LARP4B: variants seen among roughly 807,000 people sequenced by gnomAD.
LARP4B encodes the protein La ribonucleoprotein 4B, also known as la-related protein 4B.
A neutral mutation model predicts 89.8 loss-of-function variants in LARP4B; 12 were observed. The ratio of observed to expected loss-of-function variants is 0.13; its 90% CI spans 0.09 to 0.22. The LOEUF (loss-of-function observed/expected upper bound fraction) is 0.22. LARP4B is among the 10% of genes least tolerant of loss of function. The pLI is 1.00. For missense variants in LARP4B, 757 were observed against 947.7 expected (o/e 0.80, Z 2.64); for synonymous variants, 367 against 363.3 (o/e 1.01, Z -0.12).
intron 5 of LARP4B, among the ~76,000 whole-genome samples, chr10:852,264 G>T (rs141505338): frequency 6.6e-6 from 1 of 152,284 alleles, no homozygotes; most frequent in African/African-American, 2.4e-5. Context: ...CAAAGTTTTG[G>T]TAAATGGAAT....
chr10:822,537 C>T lies in LARP4B; in HGVS notation c.1485-1692G>A, dbSNP rs1419765437. Among the ~76,000 whole-genome samples the T allele has an allele frequency of 1.3e-5, 2 of 152,208 alleles. No individual in the cohort carries two copies. Among genetic ancestry groups the T allele is most frequent in the Non-Finnish European group, 2.9e-5 (2 of 68,032 alleles). The stretch of plus-strand genomic sequence containing the variant: ...CACCCTCACTGGGCTCCACGTAACC[C>T]GTGTCAGACCCAGAAGCCCACCTGC... On this transcript the variant is annotated intron_variant, in intron 13 of 17. Transcript: ENST00000316157. This position sits in a 1 kb window ranked among gnomAD's most constrained non-coding sequence, Gnocchi z 4.6.
At chr10:891,020 C>A (rs1253155602) in intron 1 of LARP4B, among the ~76,000 whole-genome samples, 1 of 151,812 alleles carries the variant, frequency 6.6e-6, no homozygotes, top group Non-Finnish European at 1.5e-5. Context: ...CTTATGATAG[C>A]CAAAGGGAAA....
intron 1 of LARP4B, among the ~76,000 whole-genome samples, chr10:898,434 T>G (rs118182589): frequency 6.6e-6 from 1 of 152,218 alleles, no homozygotes; most frequent in Non-Finnish European, 1.5e-5. Context: ...AAAACCTGTA[T>G]GTGAATTTTC....
chr10:931,216 C>T (rs1424199748), intron 1 of LARP4B, among the ~76,000 whole-genome samples: 3 of 149,822 alleles, frequency 2.0e-5, no homozygotes, highest in Non-Finnish European at 3.0e-5. Context: ...TGACCCCGGT[C>T]CTCCTCAGCC....
At chr10:892,902 A>ATTT (rs56051964) in intron 1 of LARP4B, among the ~76,000 whole-genome samples, 3 of 117,946 alleles carry the variant, frequency 2.5e-5, no homozygotes, top group African/African-American at 3.3e-5. Context: ...ACCAAGAGAA[A>ATTT]TTTTTTTTTT....
At chr10:984,654 G>C in the LARP4B span, among the ~76,000 whole-genome samples, 2 of 152,122 alleles carry the variant, frequency 1.3e-5, no homozygotes, top group African/African-American at 2.4e-5. Flanking sequence ...GGTGCTGGGG[G>C]ATTATTGACA....
downstream of LARP4B, chr10:808,776 TACAC>T (rs959758345): frequency 2.0e-5 from 3 of 150,498 alleles, no homozygotes; most frequent in African/African-American, 4.9e-5. Flanking sequence ...CACGCACACA[TACAC>T]ACACACTATT....
intron 3 of LARP4B, among the ~76,000 whole-genome samples, chr10:866,753 C>G (rs1834914580): frequency 6.6e-6 from 1 of 152,250 alleles, no homozygotes; most frequent in Non-Finnish European, 1.5e-5. Context: ...CCAACACTAA[C>G]TAACAGTAAC....
At chr10:878,856 AAG>A (rs773958692) in intron 3 of LARP4B, among the ~76,000 whole-genome samples, 29 of 152,260 alleles carry the variant, frequency 1.9e-4, no homozygotes, top group Non-Finnish European at 3.2e-4. Context: ...TAAAATGAAA[AAG>A]AGTTTGCAAA....
At chr10:806,963 G>A (rs1831581425), downstream of LARP4B, 1 of 152,306 alleles carries the variant, frequency 6.6e-6, no homozygotes, top group Non-Finnish European at 1.5e-5. Flanking sequence ...TTAGAAGACT[G>A]AGGCTGGCAG....
chr10:885,054 C>T (rs901473119), intron 2 of LARP4B, among the ~76,000 whole-genome samples: 3 of 152,144 alleles, frequency 2.0e-5, no homozygotes, highest in Non-Finnish European at 2.9e-5. Flanking sequence ...AAATATGGCA[C>T]ATTGACATTT....
chr10:963,659 A>C, the LARP4B span, among the ~76,000 whole-genome samples: 1 of 152,212 alleles, frequency 6.6e-6, no homozygotes, highest in Non-Finnish European at 1.5e-5. Flanking sequence ...GTCTGAGTCC[A>C]TTTTGCAACA....
At chr10:912,708 CA>C (rs60998261) in intron 1 of LARP4B, among the ~76,000 whole-genome samples, 28,689 of 90,904 alleles carry the variant, frequency 0.32, 2,517 homozygotes, top group East Asian at 0.53. Context: ...CTCGTCTTGA[CA>C]AAAAAAAAAA....
At position 810,355 on chromosome 10, in the gene LARP4B, A is replaced by G. The variant is rs1481940963; in HGVS notation, c.*2571T>C. On this transcript the variant is annotated 3_prime_UTR_variant, in exon 18 of 18. Transcript: ENST00000316157. ...AATCTGTATTTCACCTTTAATTAAA[A>G]AGGATGCTATAAAAATCACCTCCGA... 1 of 152,226 alleles carries G rather than the reference A, an allele frequency of 6.6e-6. No individual in the cohort carries two copies. Among genetic ancestry groups the G allele is most frequent in the Non-Finnish European group, 1.5e-5 (1 of 68,046 alleles). 9.4% of individuals were successfully genotyped at this position (152,226 alleles called of 1,614,324 possible). A position where few individuals can be genotyped will look rare whatever the true frequency, so the allele number is the denominator to read the frequency against.
At chr10:942,002 A>T in the LARP4B span, among the ~76,000 whole-genome samples, 1 of 152,208 alleles carries the variant, frequency 6.6e-6, no homozygotes, top group African/African-American at 2.4e-5. Context: ...AGAAGTATAC[A>T]TTGGTTGAAA....
chr10:962,077 G>C, the LARP4B span, among the ~76,000 whole-genome samples: 1 of 152,086 alleles, frequency 6.6e-6, no homozygotes, highest in Non-Finnish European at 1.5e-5. Flanking sequence ...TGGATCACCT[G>C]AGGTCGGGAG....
chr10:959,766 CCGT>C, the LARP4B span, among the ~76,000 whole-genome samples: 5 of 81,076 alleles, frequency 6.2e-5, 1 homozygote, highest in East Asian at 3.6e-4. Flanking sequence ...ATCCACCTCC[CCGT>C]CATTCCCACC....
At chr10:931,093 G>C (rs969941392) in intron 1 of LARP4B, among the ~76,000 whole-genome samples, 12 of 150,960 alleles carry the variant, frequency 7.9e-5, no homozygotes, top group African/African-American at 2.9e-4. Flanking sequence ...GCCTCAACGG[G>C]TCCTCCTAAG....
chr10:931,087 C>T (rs1022792893), intron 1 of LARP4B, among the ~76,000 whole-genome samples: 10 of 151,136 alleles, frequency 6.6e-5, no homozygotes, highest in African/African-American at 1.9e-4. Flanking sequence ...CGCCTCGCCT[C>T]AACGGGTCCT....
Sources: gnomAD v4.1 joint callset for allele counts (sites outside exome capture counted in the v4.1 genomes callset) on GRCh38, gnomAD v4.1.1 for gene constraint, Gnocchi (gnomAD v3.1) non-coding constraint, MANE v1.5 for transcripts, NCBI Gene and HGNC (gene_info 2026-07-23, HGNC 2026-07-21) for gene names.